Variants in LRFN2 observed in about 807,000 individuals in gnomAD.
LRFN2 encodes the protein leucine-rich repeat and fibronectin type-III domain-containing protein 2.
LRFN2 carries 18 observed loss-of-function variants against 37.3 expected under a neutral mutation model. The ratio of observed to expected loss-of-function variants is 0.48; its 90% CI spans 0.33 to 0.72. LRFN2 has a LOEUF of 0.72. LRFN2 is among the 30% of genes least tolerant of loss of function. LRFN2 has a pLI of 0.02. For synonymous variants in LRFN2, 556 were observed against 466.6 expected, an observed-to-expected ratio of 1.19 and a Z score of -2.47; for missense variants, 1,006 against 1,060.7, an observed-to-expected ratio of 0.95 and a Z score of 0.72.
chr6:40,559,045 G>A (rs1231976872), intron 1 of LRFN2, among the ~76,000 whole-genome samples: 1 of 152,064 alleles, frequency 6.6e-6, no homozygotes, highest in Admixed American at 6.6e-5. Flanking sequence ...TAAGGGCCAT[G>A]GATCAAACGG....
chr6:40,558,361 C>T (rs1422572278), intron 1 of LRFN2, among the ~76,000 whole-genome samples: 1 of 152,186 alleles, frequency 6.6e-6, no homozygotes, highest in Non-Finnish European at 1.5e-5. Context: ...CTTCCTTCCC[C>T]GCATTGTGGA....
intron 1 of LRFN2, among the ~76,000 whole-genome samples, chr6:40,520,667 TG>T (rs1217036881): frequency 6.6e-6 from 1 of 151,932 alleles, no homozygotes; most frequent in Non-Finnish European, 1.5e-5. Flanking sequence ...GCTGACACAG[TG>T]GTGCCAGCAA....
chr6:40,482,740 A>T (rs1398447287), intron 1 of LRFN2, among the ~76,000 whole-genome samples: 1 of 151,896 alleles, frequency 6.6e-6, no homozygotes, highest in Non-Finnish European at 1.5e-5. Flanking sequence ...TGCCCATCTC[A>T]GCTCCACCCC....
At chr6:40,534,923 C>T (rs1239839832) in intron 1 of LRFN2, among the ~76,000 whole-genome samples, 12 of 152,166 alleles carry the variant, frequency 7.9e-5, no homozygotes, top group African/African-American at 7.2e-5. Context: ...ACAGATGAGG[C>T]GCCTGAGGCT....
At chr6:40,457,362 A>ATC (rs1350350583) in intron 1 of LRFN2, among the ~76,000 whole-genome samples, 7 of 151,862 alleles carry the variant, frequency 4.6e-5, no homozygotes, top group Admixed American at 3.3e-4. Context: ...AAAGGGATTA[A>ATC]CCTTTTTCTC....
At chr6:40,539,266 G>A (rs528651767) in intron 1 of LRFN2, among the ~76,000 whole-genome samples, 78 of 152,276 alleles carry the variant, frequency 5.1e-4, no homozygotes, top group African/African-American at 1.8e-3. Flanking sequence ...TCCCTTTTGG[G>A]GGGTCACTGA....
intron 2 of LRFN2, among the ~76,000 whole-genome samples, chr6:40,427,651 C>T (rs1763386601): frequency 1.3e-5 from 2 of 152,236 alleles, no homozygotes; most frequent in African/African-American, 2.4e-5. Context: ...TTTCCAAGGG[C>T]TCACAGCTAC....
chr6:40,527,335 A>G (rs555463786), intron 1 of LRFN2, among the ~76,000 whole-genome samples: 1 of 152,364 alleles, frequency 6.6e-6, no homozygotes, highest in African/African-American at 2.4e-5. Flanking sequence ...CTAATGTTCA[A>G]TGATGCTTAC....
chr6:40,541,195 G>A (rs1372399361), intron 1 of LRFN2, among the ~76,000 whole-genome samples: 1 of 152,158 alleles, frequency 6.6e-6, no homozygotes, highest in Non-Finnish European at 1.5e-5. Flanking sequence ...GTGAGTGGTC[G>A]CTTCCAGCTG....
intron 1 of LRFN2, among the ~76,000 whole-genome samples, chr6:40,562,831 TCACTCACACACACACACA>T (rs1416883749): frequency 1.4e-5 from 2 of 144,048 alleles, no homozygotes; most frequent in Non-Finnish European, 3.0e-5. Flanking sequence ...GTGCGTGCAC[TCACTCACACACACACACA>T]CACACACACA....
chr6:40,434,791 G>A (rs1229536487), intron 1 of LRFN2, among the ~76,000 whole-genome samples: 1 of 151,566 alleles, frequency 6.6e-6, no homozygotes, highest in East Asian at 2.0e-4. Flanking sequence ...CAAATTGCCT[G>A]CTAAACATAC....
At chr6:40,447,033 C>A (rs571003205) in intron 1 of LRFN2, among the ~76,000 whole-genome samples, 1 of 151,970 alleles carries the variant, frequency 6.6e-6, no homozygotes, top group African/African-American at 2.4e-5. Context: ...TCCCCTCAGA[C>A]TGGGGCTCCC....
At chr6:40,456,944 A>T (rs1354459801) in intron 1 of LRFN2, among the ~76,000 whole-genome samples, 1 of 152,118 alleles carries the variant, frequency 6.6e-6, no homozygotes, top group Non-Finnish European at 1.5e-5. Flanking sequence ...CTTTTCTGTA[A>T]CCAGGAACAC....
At chr6:40,586,662 C>G (rs1335818683) in intron 1 of LRFN2, among the ~76,000 whole-genome samples, 2 of 152,124 alleles carry the variant, frequency 1.3e-5, no homozygotes, top group Non-Finnish European at 2.9e-5. Context: ...TCTCTCCATC[C>G]GGCTCTCCAG....
chr6:40,564,258 T>C (rs1767050637), intron 1 of LRFN2, among the ~76,000 whole-genome samples: 1 of 152,204 alleles, frequency 6.6e-6, no homozygotes, highest in Non-Finnish European at 1.5e-5. Context: ...TTACAATATA[T>C]ACCTTTTGTC....
intron 2 of LRFN2, among the ~76,000 whole-genome samples, chr6:40,426,527 T>C (rs1026403855): frequency 6.6e-6 from 1 of 152,202 alleles, no homozygotes; most frequent in Non-Finnish European, 1.5e-5. Flanking sequence ...GGAAGATAGA[T>C]ACAAAGCCAA....
At chr6:40,404,153 AT>A (rs1372525629) in intron 2 of LRFN2, among the ~76,000 whole-genome samples, 5 of 151,770 alleles carry the variant, frequency 3.3e-5, no homozygotes, top group Non-Finnish European at 5.9e-5. Flanking sequence ...ACTCCACTCC[AT>A]TTTTCCCCAA....
intron 1 of LRFN2, among the ~76,000 whole-genome samples, chr6:40,464,807 C>A (rs192112227): frequency 1.1e-3 from 164 of 152,214 alleles, no homozygotes; most frequent in African/African-American, 3.7e-3. Flanking sequence ...CGGATGGGAG[C>A]TGGTGAATAA....
chr6:40,443,167 T>C (rs937088044), intron 1 of LRFN2, among the ~76,000 whole-genome samples: 6 of 152,220 alleles, frequency 3.9e-5, no homozygotes, highest in Admixed American at 1.3e-4. Context: ...CGGCAAGGTT[T>C]GGTCTATCCT....
Sources: allele counts gnomAD v4.1 joint callset (sites outside exome capture counted in the v4.1 genomes callset), GRCh38; gene constraint gnomAD v4.1.1; transcripts MANE v1.5; gene names NCBI Gene and HGNC (gene_info 2026-07-23, HGNC 2026-07-21).